The following NELL1 variants were observed in gnomAD, a reference collection of about 807,000 sequenced individuals.
NELL1 encodes the protein neural EGFL like 1, also known as protein kinase C-binding protein NELL1.
NELL1 carries 76 observed loss-of-function variants against 107.4 expected under a neutral mutation model. The observed-to-expected ratio is 0.71, with a 90% confidence interval of 0.59 to 0.86. The LOEUF (loss-of-function observed/expected upper bound fraction) is 0.86, where lower values mean the gene tolerates loss of function less well. Ranked by LOEUF, NELL1 falls within the 40% of genes least tolerant of loss-of-function variation. NELL1 has a pLI of 0.00. For synonymous variants in NELL1, 353 were observed against 341.2 expected (o/e 1.03, Z -0.38); for missense variants, 1,024 against 1,005.5 (o/e 1.02, Z -0.25).
chr11:20,873,988 C>G (rs1232002665), intron 4 of NELL1, among the ~76,000 whole-genome samples: 3 of 152,130 alleles, frequency 2.0e-5, no homozygotes, highest in African/African-American at 7.2e-5. Flanking sequence ...TGGTCTTGAA[C>G]TCCTGGGTTC....
chr11:21,276,718 G>A (rs1451158362), intron 14 of NELL1, among the ~76,000 whole-genome samples: 4 of 152,142 alleles, frequency 2.6e-5, no homozygotes, highest in Non-Finnish European at 5.9e-5. Context: ...CAATGGAACA[G>A]AACGGAGCCC....
At chr11:21,068,095 T>C (rs958747578) in intron 12 of NELL1, among the ~76,000 whole-genome samples, 12 of 147,300 alleles carry the variant, frequency 8.1e-5, no homozygotes, top group Non-Finnish European at 1.6e-4. Context: ...TTAACAGATT[T>C]GTTGCTTTAA....
At chr11:21,137,392 T>C (rs572376644) in intron 13 of NELL1, among the ~76,000 whole-genome samples, 2 of 152,168 alleles carry the variant, frequency 1.3e-5, no homozygotes, top group Non-Finnish European at 1.5e-5. Flanking sequence ...TAGAGGATCA[T>C]ACAGGCTCAG....
At chr11:21,225,228 T>C (rs910334646) in intron 13 of NELL1, among the ~76,000 whole-genome samples, 1 of 152,134 alleles carries the variant, frequency 6.6e-6, no homozygotes, top group Non-Finnish European at 1.5e-5. Flanking sequence ...TAAAATGGTA[T>C]TGTGCTTCAG....
intron 17 of NELL1, among the ~76,000 whole-genome samples, chr11:21,568,576 C>T (rs796217822): frequency 5.9e-5 from 9 of 151,934 alleles, no homozygotes; most frequent in African/African-American, 1.9e-4. Context: ...ACACATTGTA[C>T]AGCAGTACAA....
At chr11:21,269,370 T>TCA (rs1203953512) in intron 14 of NELL1, among the ~76,000 whole-genome samples, 1 of 151,634 alleles carries the variant, frequency 6.6e-6, no homozygotes, top group African/African-American at 2.4e-5. Flanking sequence ...TCTCTCTCTC[T>TCA]CTCTCTCACA....
At chr11:20,866,329 G>A (rs1000322884) in intron 4 of NELL1, among the ~76,000 whole-genome samples, 3 of 152,130 alleles carry the variant, frequency 2.0e-5, no homozygotes, top group Admixed American at 1.3e-4. Context: ...AGGACCGCCT[G>A]TTCTATTCAC....
intron 4 of NELL1, among the ~76,000 whole-genome samples, chr11:20,870,955 T>C (rs1849184136): frequency 6.6e-6 from 1 of 152,204 alleles, no homozygotes; most frequent in Non-Finnish European, 1.5e-5. Flanking sequence ...GGCACACAAG[T>C]TATCCTCTCT....
intron 4 of NELL1, among the ~76,000 whole-genome samples, chr11:20,856,238 GT>G (rs1198902307): frequency 6.6e-6 from 1 of 152,176 alleles, no homozygotes; most frequent in African/African-American, 2.4e-5. Context: ...TGTTGTGAGT[GT>G]TTCTGCCAGC....
rs575041123 is a variant in NELL1, at chr11:20,805,737, C to T, written c.335+21907C>T. Among the ~76,000 whole-genome samples, 10 of 152,250 alleles carry T rather than the reference C, an allele frequency of 6.6e-5. No homozygotes were observed. In the East Asian group the frequency reaches 1.7e-3, roughly 27 times the overall value. On this transcript the variant is annotated intron_variant, in intron 3 of 19. Coordinates refer to ENST00000357134, the MANE Select transcript of NELL1 (RefSeq NM_006157.5). ...CAGGATGGTCTTGATCTCCTGACCT[C>T]GTGATCCACCTGCCTTGGCCTCCCA...
At chr11:21,032,152 G>T (rs1346538070) in intron 12 of NELL1, among the ~76,000 whole-genome samples, 1 of 151,686 alleles carries the variant, frequency 6.6e-6, no homozygotes, top group Non-Finnish European at 1.5e-5. Context: ...ACCTCTTTAT[G>T]TGTTAATTAT....
intron 12 of NELL1, among the ~76,000 whole-genome samples, chr11:21,047,271 C>T (rs1322229419): frequency 6.6e-6 from 1 of 152,062 alleles, no homozygotes; most frequent in East Asian, 1.9e-4. Context: ...TGTTTGTCAG[C>T]CAGAACTTTC....
intron 5 of NELL1, among the ~76,000 whole-genome samples, chr11:20,890,302 A>G (rs1374604650): frequency 6.6e-6 from 1 of 152,172 alleles, no homozygotes; most frequent in Admixed American, 6.5e-5. Flanking sequence ...GCAGAAAGTA[A>G]CAGCAACAGC....
chr11:21,393,093 C>A (rs75813957), intron 15 of NELL1, among the ~76,000 whole-genome samples: 2 of 150,526 alleles, frequency 1.3e-5, no homozygotes, highest in African/African-American at 4.9e-5. Context: ...TAAAATACGA[C>A]CAATGGAATG....
chr11:20,966,381 A>G (rs1851387475), intron 12 of NELL1, among the ~76,000 whole-genome samples: 1 of 152,066 alleles, frequency 6.6e-6, no homozygotes. Flanking sequence ...AATGGTGACT[A>G]AATTTCAACA....
intron 5 of NELL1, among the ~76,000 whole-genome samples, chr11:20,895,672 A>G (rs1225357859): frequency 1.3e-5 from 2 of 151,394 alleles, no homozygotes; most frequent in African/African-American, 4.9e-5. Context: ...TGCCCGGCTA[A>G]TTTTTTTGTA....
chr11:20,679,494 T>C (rs924815683), intron 2 of NELL1, among the ~76,000 whole-genome samples: 2 of 152,190 alleles, frequency 1.3e-5, no homozygotes, highest in African/African-American at 4.8e-5. Context: ...TCTAGAGTTA[T>C]TATGTAATTA....
chr11:20,948,930 T>C (rs989058831), intron 11 of NELL1, among the ~76,000 whole-genome samples: 3 of 152,128 alleles, frequency 2.0e-5, no homozygotes, highest in Non-Finnish European at 4.4e-5. Context: ...GCAATTTAGC[T>C]CAGGTAACCT....
intron 3 of NELL1, among the ~76,000 whole-genome samples, chr11:20,792,199 A>AT (rs1052662436): frequency 4.0e-5 from 6 of 151,816 alleles, no homozygotes; most frequent in African/African-American, 1.2e-4. Flanking sequence ...CCAAACATTA[A>AT]TTTTTTTTAG....
Sources: allele counts gnomAD v4.1 joint callset (sites outside exome capture counted in the v4.1 genomes callset), GRCh38; gene constraint gnomAD v4.1.1; transcripts MANE v1.5; gene names NCBI Gene and HGNC (gene_info 2026-07-23, HGNC 2026-07-21).